Variants in CENPI observed in about 807,000 individuals in gnomAD.
CENPI encodes centromere protein I.
Under a neutral mutation model 60.4 loss-of-function variants are expected in CENPI, and 4 were observed. That is an observed-to-expected ratio of 0.07 (90% CI 0.03 to 0.15). The LOEUF is 0.15. Among genes scored for constraint, CENPI ranks in the 10% least tolerant of loss-of-function variants. CENPI has a pLI of 1.00. For missense variants in CENPI, 444 were observed against 534.5 expected, an observed-to-expected ratio of 0.83 and a Z score of 1.67; for synonymous variants, 157 against 189.4, an observed-to-expected ratio of 0.83 and a Z score of 1.40.
intron 20 of CENPI, among the ~76,000 whole-genome samples, chrX:101,154,878 T>A (rs944439158): frequency 8.9e-6 from 1 of 111,920 alleles, no homozygotes; most frequent in African/African-American, 3.2e-5. Flanking sequence ...ATTGCTATTA[T>A]ATAGAAATGC....
chrX:101,124,888 A>G (rs1602794953), intron 8 of CENPI, among the ~76,000 whole-genome samples: 1 of 111,677 alleles, frequency 9.0e-6, no homozygotes, highest in East Asian at 2.8e-4. Flanking sequence ...AGTCTTGGGC[A>G]GTTCTTTATA....
At chrX:101,176,532 A>C in the CENPI span, among the ~76,000 whole-genome samples, 1 of 111,867 alleles carries the variant, frequency 8.9e-6, no homozygotes, top group African/African-American at 3.3e-5. Flanking sequence ...AGTGATCTTC[A>C]GCATTTTTAT....
In CENPI at chrX:101,164,293, G is replaced by T. The variant is rs113354148; in HGVS notation, c.*1326G>T. On this transcript the variant is annotated 3_prime_UTR_variant, in exon 22 of 22. Coordinates refer to ENST00000682095, the MANE Select transcript of CENPI (RefSeq NM_001386188.2). Reference sequence around the variant, plus strand: ...GTGCCAGGTACTCTTCTGTGTGCTGGTTATACAGTTGTGACCAATACAAAG... The same window carrying T: ...GTGCCAGGTACTCTTCTGTGTGCTGTTTATACAGTTGTGACCAATACAAAG... 2.4e-4 allele frequency among the ~76,000 whole-genome samples: 27 copies of T among 110,994 alleles called. No homozygotes were observed. Among genetic ancestry groups the T allele is most frequent in the Non-Finnish European group, 7.5e-5 (4 of 53,040 alleles).
the CENPI span, among the ~76,000 whole-genome samples, chrX:101,179,991 ATTATTTT>A: frequency 1.8e-5 from 2 of 111,936 alleles, no homozygotes; most frequent in Admixed American, 1.9e-4. Context: ...CTTGCCAACT[ATTATTTT>A]TTATTATGTT....
intron 6 of CENPI, among the ~76,000 whole-genome samples, chrX:101,110,881 G>C (rs1228579536): frequency 8.9e-6 from 1 of 111,831 alleles, no homozygotes; most frequent in Non-Finnish European, 1.9e-5. Context: ...AAAGTATGTG[G>C]GTGTTGAGCT....
intron 6 of CENPI, among the ~76,000 whole-genome samples, chrX:101,114,934 C>G (rs1355499117): frequency 2.9e-5 from 3 of 103,616 alleles, no homozygotes; most frequent in Non-Finnish European, 3.9e-5. Context: ...AGCCACTACG[C>G]CTGGTGTATT....
chrX:101,146,859 C>T (rs1055269502), intron 18 of CENPI, among the ~76,000 whole-genome samples: 8 of 110,761 alleles, frequency 7.2e-5, no homozygotes, highest in African/African-American at 2.3e-4. Flanking sequence ...CTCAGCCTCC[C>T]GAGTAGCTGG....
chrX:101,145,295 G>A, intron 17 of CENPI, 96 bp downstream of exon 17: 3 of 686,631 alleles, frequency 4.4e-6, no homozygotes, highest in Non-Finnish European at 6.5e-6. Context: ...ATTAAGGTGG[G>A]CTATGATCTT....
chrX:101,099,012 A>T (rs1027337552), intron 2 of CENPI, among the ~76,000 whole-genome samples: 1 of 111,097 alleles, frequency 9.0e-6, no homozygotes, highest in African/African-American at 3.3e-5. Flanking sequence ...CACTCCCTCC[A>T]GACTGATGTT....
intron 20 of CENPI, among the ~76,000 whole-genome samples, chrX:101,153,782 C>CA (rs1350130367): frequency 5.4e-5 from 6 of 111,654 alleles, no homozygotes. Flanking sequence ...TGAAATTTCA[C>CA]TTTTTTTTCC....
intron 16 of CENPI, among the ~76,000 whole-genome samples, chrX:101,141,743 C>T (rs1377734517): frequency 1.6e-4 from 18 of 110,936 alleles, no homozygotes. Context: ...ACCTGCCCCC[C>T]CCTTTTTTAT....
At chrX:101,119,744 T>C (rs1460312753) in intron 6 of CENPI, among the ~76,000 whole-genome samples, 1 of 112,459 alleles carries the variant, frequency 8.9e-6, no homozygotes, top group Admixed American at 9.5e-5. Flanking sequence ...AACTAAATTC[T>C]TGTATATATA....
chrX:101,167,270 A>C (rs2090146835), downstream of CENPI, among the ~76,000 whole-genome samples: 1 of 111,846 alleles, frequency 8.9e-6, no homozygotes, highest in Non-Finnish European at 1.9e-5. Flanking sequence ...AAATGCAAAA[A>C]GTATGAATGA....
chrX:101,173,624 C>T, the CENPI span, among the ~76,000 whole-genome samples: 14 of 110,531 alleles, frequency 1.3e-4, no homozygotes, highest in African/African-American at 4.3e-4. Context: ...TACATTACAA[C>T]GAATCCATAG....
chrX:101,149,434 A>G (rs1176515245), intron 20 of CENPI, among the ~76,000 whole-genome samples: 1 of 110,651 alleles, frequency 9.0e-6, no homozygotes, highest in Non-Finnish European at 1.9e-5. Context: ...TTTGAGGAAC[A>G]TGAGGCAGAA....
chrX:101,162,469 A>ATATATATATAT (rs1204721257), intron 21 of CENPI, among the ~76,000 whole-genome samples: 2 of 84,086 alleles, frequency 2.4e-5, no homozygotes, highest in African/African-American at 1.1e-4. Context: ...AAAAAAAAAA[A>ATATATATATAT]AAAAATATAT....
chrX:101,154,624 A>G (rs762712164), intron 20 of CENPI, among the ~76,000 whole-genome samples: 16 of 111,630 alleles, frequency 1.4e-4, no homozygotes, highest in African/African-American at 4.2e-4. Context: ...TGCGATTCTG[A>G]TAGATAATGG....
intron 2 of CENPI, chrX:101,100,780 C>G: frequency 3.4e-6 from 1 of 291,133 alleles, no homozygotes; most frequent in Non-Finnish European, 6.0e-6. Flanking sequence ...AGAGAACTTG[C>G]ATATGTTGCC....
intron 15 of CENPI, 82 bp from the exon 16 acceptor site, chrX:101,140,584 T>G: frequency 2.9e-6 from 2 of 686,228 alleles, no homozygotes; most frequent in Non-Finnish European, 4.6e-6. Context: ...ATGGTCCTTT[T>G]CATCTCTAAG....
Sources: gnomAD v4.1 joint callset for allele counts (sites outside exome capture counted in the v4.1 genomes callset) on GRCh38, gnomAD v4.1.1 for gene constraint, MANE v1.5 for transcripts, NCBI Gene and HGNC (gene_info 2026-07-23, HGNC 2026-07-21) for gene names.